The following HMCN1 variants were observed in gnomAD, a reference collection of about 807,000 sequenced individuals.
HMCN1 encodes hemicentin 1, also known as hemicentin-1.
Under a neutral mutation model 625.9 loss-of-function variants are expected in HMCN1, and 321 were observed. The observed-to-expected ratio is 0.51, with a 90% CI of 0.47 to 0.56. The LOEUF (loss-of-function observed/expected upper bound fraction) is 0.56, where lower values mean the gene tolerates loss of function less well. Ranked by LOEUF, HMCN1 falls within the 20% of genes least tolerant of loss-of-function variation. The pLI is 0.00. For synonymous variants in HMCN1, 2,425 were observed against 2,417.6 expected (o/e 1.00, Z -0.09); for missense variants, 6,588 against 6,887.3 (o/e 0.96, Z 1.54).
Position 186,039,780 on chromosome 1 carries a change from C to T in HMCN1, c.6081C>T (p.Asn2027=). 1 of 1,613,380 alleles carries T rather than the reference C, an allele frequency of 6.2e-7. No homozygotes were observed. The highest frequency in any genetic ancestry group is 8.5e-7 in the Non-Finnish European group (1 of 1,179,572). ...ACATGGTGGCAGTGGTGGTTAATAA[C>T]CCGGTGAGGTTAGAATGTGAAGCCA... ...SNNMVAVVVN[N]PVRLECEARG... is the part of the protein sequence containing the mutation. Residue 2027 remains asparagine (N), a synonymous_variant, in exon 39 of 107, where the codon AAC becomes AAT. Transcript: ENST00000271588.
At chr1:186,090,717 C>A (rs1002621778) in intron 63 of HMCN1, 41 bp from the exon 64 acceptor site, 24 of 1,603,792 alleles carry the variant, frequency 1.5e-5, no homozygotes, top group Non-Finnish European at 2.0e-5. Flanking sequence ...GAATTTATAT[C>A]CTGTGTCTTG....
At position 186,144,638 on chromosome 1, in the gene HMCN1, A is replaced by G. The variant is rs201820291; in HGVS notation, c.14201A>G (p.Tyr4734Cys). The change falls in exon 91 of 107, where the codon TAT becomes TGT. Residue 4734 changes from tyrosine to cysteine, a missense_variant. Tyr to Cys is a radical substitution (Grantham distance 194). Around this residue, in one of 3 missense-constraint regions of HMCN1, gnomAD observed 1,954 missense variants for 2,013.1 expected, o/e 0.97. Transcript: ENST00000271588. ...TRGCSDPVPQ[Y>C]GGRKCEGSDV... ...GGCTGCTCCGACCCTGTGCCCCAGT[A>G]TGGAGGAAGGAAATGCGAAGGGAGT... The G allele has an allele frequency of 6.2e-7, 1 of 1,614,048 alleles. No individual in the cohort carries two copies. Among genetic ancestry groups the G allele is most frequent in the Non-Finnish European group, 8.5e-7 (1 of 1,180,012 alleles).
intron 57 of HMCN1, 33 bp from the exon 58 acceptor site, chr1:186,086,213 C>G: frequency 6.3e-7 from 1 of 1,575,732 alleles, no homozygotes; most frequent in Middle Eastern, 1.7e-4. Context: ...TTGATAACAC[C>G]TGCTTTCACT....
chr1:186,055,693 A>T lies in HMCN1; in HGVS notation c.7144+19A>T, dbSNP rs1657270418. The T allele has an allele frequency of 1.9e-6, 3 of 1,611,022 alleles. No individual in the cohort carries two copies. The South Asian group carries it at 3.3e-5, about 18-fold the overall frequency. ...GTCCATGGTAAGTAGAAAGAGGCTC[A>T]ATATGTCCATTCACTGGCTAACGTA... On this transcript the variant is annotated intron_variant, in intron 45 of 106. Transcript: ENST00000271588.
At chr1:186,014,681 A>G (rs1346218839) in intron 30 of HMCN1, among the ~76,000 whole-genome samples, 1 of 152,056 alleles carries the variant, frequency 6.6e-6, no homozygotes, top group Admixed American at 6.6e-5. Flanking sequence ...CCCCAAAAAA[A>G]GAAAAAAATA....
At chr1:186,112,522 CAG>C (rs1660938019) in intron 71 of HMCN1, among the ~76,000 whole-genome samples, 1 of 152,232 alleles carries the variant, frequency 6.6e-6, no homozygotes, top group African/African-American at 2.4e-5. Context: ...ACACTCCCAG[CAG>C]AGTCTAGAGG....
rs762999903 is a variant in HMCN1 at position 186,145,788 on chromosome 1, C to T, written c.14473C>T (p.Gln4825Ter). The T allele has an allele frequency of 6.2e-7, 1 of 1,614,108 alleles. No homozygotes were observed. Among genetic ancestry groups the T allele is most frequent in the South Asian group, 1.1e-5 (1 of 91,084 alleles). Residue 4825 changes from glutamine to a stop codon, truncating the protein, a stop_gained, in exon 93 of 107, where the codon CAG becomes TAG. Transcript: ENST00000271588. LOFTEE classifies it high-confidence loss of function. ...TTGGGGAAGCTGGCATAGTTGGAGC[C>T]AGTGCTCTGCCTCCTGTGGAGGAGG... ...GSWGSWHSWS[Q>*]CSASCGGGEK...
chr1:186,048,615 A>G, intron 41 of HMCN1, 128 bp from the exon 42 acceptor site: 3 of 685,978 alleles, frequency 4.4e-6, no homozygotes, highest in Non-Finnish European at 7.8e-6. Context: ...TTATATTGCT[A>G]TTTTGTCTAT....
intron 63 of HMCN1, among the ~76,000 whole-genome samples, chr1:186,090,076 G>T (rs1422184967): frequency 1.3e-5 from 2 of 151,812 alleles, no homozygotes; most frequent in Non-Finnish European, 2.9e-5. Flanking sequence ...TGGCTTTTGC[G>T]ACCTGGTGTG....
In HMCN1 at chr1:186,074,862, A is replaced by G; in HGVS notation, c.8261A>G (p.Asp2754Gly). ...TCVASNIAGE[D>G]ELDFDVNIQV... The stretch of plus-strand genomic sequence containing the variant: ...GTAGCATCTAACATTGCAGGTGAAG[A>G]TGAGTTGGATTTTGATGTGAATATT... Residue 2754 changes from aspartate (D) to glycine (G), a missense_variant, in exon 53 of 107, where the codon GAT becomes GGT. Asp to Gly is a moderately conservative substitution (Grantham distance 94). Transcript: ENST00000271588. The G allele has an allele frequency of 6.2e-7, 1 of 1,612,886 alleles. No homozygotes were observed. Among genetic ancestry groups the G allele is most frequent in the Non-Finnish European group, 8.5e-7 (1 of 1,179,154 alleles).
chr1:186,081,528 G>A, intron 56 of HMCN1, 134 bp downstream of exon 56: 1 of 647,438 alleles, frequency 1.5e-6, no homozygotes, highest in South Asian at 2.0e-5. Flanking sequence ...ACCATCAAAG[G>A]TATATATAAT....
chr1:186,040,933 C>CA lies in HMCN1; in HGVS notation c.6181-73dup, dbSNP rs1445480408. On this transcript the variant is annotated intron_variant, in intron 39 of 106. Coordinates refer to ENST00000271588, the MANE Select transcript of HMCN1 (RefSeq NM_031935.3). ...AAGGCAAATGTCAACTGATAAGCCT[C>CA]AAAAAAATAAGAGAAAAAATCTATT... 2.7e-5 allele frequency: 41 copies of CA among 1,528,222 alleles called. No homozygotes were observed. The Admixed American group carries it at 5.6e-4, about 21-fold the overall frequency. 94.7% of individuals were successfully genotyped at this position (1,528,222 alleles called of 1,614,324 possible). A position where few individuals can be genotyped will look rare whatever the true frequency, so the allele number is the denominator to read the frequency against.
At chr1:185,787,141 ATGTGTGTGTGTGTGTG>A (rs375544191) in intron 1 of HMCN1, among the ~76,000 whole-genome samples, 2 of 141,254 alleles carry the variant, frequency 1.4e-5, no homozygotes, top group East Asian at 2.2e-4. Flanking sequence ...GCCATGATGT[ATGTGTGTGTGTGTGTG>A]TGTGTGTGTG....
intron 97 of HMCN1, among the ~76,000 whole-genome samples, chr1:186,155,919 G>T (rs1328420969): frequency 6.6e-6 from 1 of 152,142 alleles, no homozygotes; most frequent in African/African-American, 2.4e-5. Flanking sequence ...AGAGCTTGAT[G>T]AAAGTTCAGA....
chr1:185,822,816 C>G (rs1660271947), intron 1 of HMCN1, among the ~76,000 whole-genome samples: 1 of 151,968 alleles, frequency 6.6e-6, no homozygotes, highest in Non-Finnish European at 1.5e-5. Flanking sequence ...GAAAACATCC[C>G]TGTTTTGGGC....
At chr1:185,797,961 G>C (rs1173682957) in intron 1 of HMCN1, among the ~76,000 whole-genome samples, 1 of 55,890 alleles carries the variant, frequency 1.8e-5, no homozygotes, top group Non-Finnish European at 2.6e-5. Flanking sequence ...GCGAGACTCC[G>C]TCTCAAAAAA....
chr1:185,963,931 G>C, intron 13 of HMCN1, 36 bp downstream of exon 13: 1 of 1,574,862 alleles, frequency 6.3e-7, no homozygotes, highest in South Asian at 1.1e-5. Flanking sequence ...ATTAAAATAG[G>C]ATGAATATCA....
chr1:185,780,913 A>T (rs1657039333), intron 1 of HMCN1, among the ~76,000 whole-genome samples: 1 of 152,204 alleles, frequency 6.6e-6, no homozygotes, highest in Non-Finnish European at 1.5e-5. Context: ...GAATAGTTTC[A>T]GAAGGAATGG....
chr1:185,861,725 G>T (rs1393105768), intron 2 of HMCN1, among the ~76,000 whole-genome samples: 1 of 152,134 alleles, frequency 6.6e-6, no homozygotes, highest in East Asian at 1.9e-4. Flanking sequence ...AAGGAAATAT[G>T]TTAAGTACCA....
Sources: gnomAD v4.1 joint callset for allele counts (sites outside exome capture counted in the v4.1 genomes callset) on GRCh38, gnomAD v4.1.1 for gene constraint, gnomAD v4.1.1 regional missense constraint, MANE v1.5 for transcripts, NCBI Gene and HGNC (gene_info 2026-07-23, HGNC 2026-07-21) for gene names.